Variants in PTPRD observed in about 807,000 individuals in gnomAD.
PTPRD encodes the protein protein tyrosine phosphatase receptor type D, also known as receptor-type tyrosine-protein phosphatase delta.
A neutral mutation model predicts 214.5 loss-of-function variants in PTPRD; 34 were observed. The ratio of observed to expected loss-of-function variants is 0.16; its 90% confidence interval spans 0.12 to 0.21. The LOEUF is 0.21. Among genes scored for constraint, PTPRD ranks in the 10% least tolerant of loss-of-function variants. The pLI is 1.00. For missense variants in PTPRD, 2,545 were observed against 2,398.7 expected (o/e 1.06, Z -1.27); for synonymous variants, 1,128 against 845.7 (o/e 1.33, Z -5.79).
intron 11 of PTPRD, among the ~76,000 whole-genome samples, chr9:8,862,993 C>T (rs978852876): frequency 6.6e-6 from 1 of 152,108 alleles, no homozygotes; most frequent in Non-Finnish European, 1.5e-5. Flanking sequence ...GTGCAGCGCA[C>T]CAGCATGGCA....
intron 6 of PTPRD, among the ~76,000 whole-genome samples, chr9:9,762,165 G>T (rs1158208165): frequency 6.6e-6 from 1 of 152,150 alleles, no homozygotes; most frequent in African/African-American, 2.4e-5. Flanking sequence ...TGAAACTGTG[G>T]CAGTAGCCCT....
intron 11 of PTPRD, among the ~76,000 whole-genome samples, chr9:8,846,889 G>C (rs999990258): frequency 6.6e-6 from 1 of 152,168 alleles, no homozygotes; most frequent in African/African-American, 2.4e-5. Flanking sequence ...TTGAAAGCAA[G>C]GAATGACGTG....
chr9:9,041,805 G>T (rs1160019634), intron 10 of PTPRD, among the ~76,000 whole-genome samples: 1 of 152,160 alleles, frequency 6.6e-6, no homozygotes, highest in Non-Finnish European at 1.5e-5. Context: ...GAGCTGGAAG[G>T]AACAACTAGG....
rs538065679 is a variant in PTPRD at position 8,733,472 on chromosome 9, TCA to T, written c.64+306_64+307del. ...TATTGGCACCACCAACTGGTTAACC[TCA>T]GTTTGAGTTATATCCTTGGTCTCAT... On this transcript the variant is annotated intron_variant, in intron 12 of 45. Transcript: ENST00000381196. 2.6e-5 allele frequency among the ~76,000 whole-genome samples: 4 copies of T among 152,252 alleles called. No homozygotes were observed. The South Asian group carries it at 8.3e-4, about 32-fold the overall frequency.
intron 3 of PTPRD, among the ~76,000 whole-genome samples, chr9:10,049,236 C>G (rs2097473245): frequency 6.6e-6 from 1 of 151,948 alleles, no homozygotes; most frequent in Non-Finnish European, 1.5e-5. Flanking sequence ...TCTAGCGCAG[C>G]CTCCTCATTT....
chr9:9,062,337 C>T (rs181241569), intron 10 of PTPRD, among the ~76,000 whole-genome samples: 1 of 152,256 alleles, frequency 6.6e-6, no homozygotes, highest in East Asian at 1.9e-4. Flanking sequence ...TAGTAAGCAA[C>T]TGATTAACCA....
At chr9:8,999,416 A>T (rs1022707295) in intron 11 of PTPRD, among the ~76,000 whole-genome samples, 2 of 152,082 alleles carry the variant, frequency 1.3e-5, no homozygotes, top group African/African-American at 2.4e-5. Flanking sequence ...CTGAAGGCTC[A>T]GATGATTGTT....
At chr9:9,190,945 G>C (rs1215980484) in intron 9 of PTPRD, among the ~76,000 whole-genome samples, 2 of 152,056 alleles carry the variant, frequency 1.3e-5, no homozygotes, top group African/African-American at 4.8e-5. Context: ...ATAGAGTTCA[G>C]ATGTTGAACT....
At chr9:8,735,647 C>A (rs951087287) in intron 11 of PTPRD, among the ~76,000 whole-genome samples, 1 of 152,082 alleles carries the variant, frequency 6.6e-6, no homozygotes, top group Non-Finnish European at 1.5e-5. Flanking sequence ...CAGTGGCTTA[C>A]GCCTGTAATT....
intron 2 of PTPRD, among the ~76,000 whole-genome samples, chr9:10,459,926 T>C (rs1310525065): frequency 1.3e-5 from 2 of 151,950 alleles, no homozygotes; most frequent in Admixed American, 1.3e-4. Context: ...CTGCACTTTT[T>C]CCAATTTTTT....
At chr9:10,209,111 A>G (rs1052129367) in intron 3 of PTPRD, among the ~76,000 whole-genome samples, 3 of 152,140 alleles carry the variant, frequency 2.0e-5, no homozygotes, top group South Asian at 4.1e-4. Context: ...AAACTGTGTG[A>G]CTACAATATT....
At chr9:9,754,495 G>A (rs1346837543) in intron 6 of PTPRD, among the ~76,000 whole-genome samples, 2 of 151,988 alleles carry the variant, frequency 1.3e-5, no homozygotes, top group African/African-American at 4.8e-5. Flanking sequence ...ATAAATAATA[G>A]CAGTTCTTGA....
chr9:9,912,692 T>C (rs1282904413), intron 5 of PTPRD, among the ~76,000 whole-genome samples: 1 of 152,170 alleles, frequency 6.6e-6, no homozygotes, highest in Non-Finnish European at 1.5e-5. Context: ...TAATCCATAA[T>C]TACAATTACA....
intron 10 of PTPRD, among the ~76,000 whole-genome samples, chr9:9,113,058 G>A (rs2099808365): frequency 6.6e-6 from 1 of 151,272 alleles, no homozygotes; most frequent in South Asian, 2.1e-4. Flanking sequence ...TCAAACACCT[G>A]GACCCAAGTG....
At chr9:10,306,528 T>G (rs73644411) in intron 3 of PTPRD, among the ~76,000 whole-genome samples, 10,970 of 152,100 alleles carry the variant, frequency 0.072, 565 homozygotes, top group South Asian at 0.16. Flanking sequence ...TTTTCAAATA[T>G]GCGATACAAT....
At chr9:9,341,323 G>A in intron 9 of PTPRD, among the ~76,000 whole-genome samples, 1 of 152,068 alleles carries the variant, frequency 6.6e-6, no homozygotes, top group Non-Finnish European at 1.5e-5. Flanking sequence ...GGCTCTGAAA[G>A]AAATCCTTTG....
intron 4 of PTPRD, among the ~76,000 whole-genome samples, chr9:9,992,446 C>T (rs2095974056): frequency 6.6e-6 from 1 of 152,172 alleles, no homozygotes; most frequent in South Asian, 2.1e-4. Flanking sequence ...CATCCCATTA[C>T]TGGGCATATA....
intron 35 of PTPRD, among the ~76,000 whole-genome samples, chr9:8,408,599 A>G (rs937855170): frequency 6.6e-6 from 1 of 152,218 alleles, no homozygotes; most frequent in African/African-American, 2.4e-5. Context: ...ATAAATTATC[A>G]CAGAATTCAC....
At chr9:8,760,663 G>A (rs1423137002) in intron 11 of PTPRD, among the ~76,000 whole-genome samples, 1 of 151,722 alleles carries the variant, frequency 6.6e-6, no homozygotes, top group Non-Finnish European at 1.5e-5. Flanking sequence ...TTATGGAGGT[G>A]CCTAGTCTGG....
Sources: gnomAD v4.1 joint callset for allele counts (sites outside exome capture counted in the v4.1 genomes callset) on GRCh38, gnomAD v4.1.1 for gene constraint, MANE v1.5 for transcripts, NCBI Gene and HGNC (gene_info 2026-07-23, HGNC 2026-07-21) for gene names.